The following AGBL4 variants were observed in gnomAD, a reference collection of about 807,000 sequenced individuals.
AGBL4 encodes AGBL carboxypeptidase 4.
AGBL4 carries 58 observed loss-of-function variants against 66.4 expected under a neutral mutation model. The ratio of observed to expected loss-of-function variants is 0.87; its 90% CI spans 0.71 to 1.09. The LOEUF (loss-of-function observed/expected upper bound fraction) is 1.09. Among genes scored for constraint, AGBL4 ranks in the 50% least tolerant of loss-of-function variants. The pLI, the probability that AGBL4 is intolerant of heterozygous loss-of-function variation, is 0.00. For synonymous variants in AGBL4, 234 were observed against 222.9 expected (o/e 1.05, Z -0.44); for missense variants, 579 against 631.0 (o/e 0.92, Z 0.88).
intron 6 of AGBL4, among the ~76,000 whole-genome samples, chr1:48,813,817 C>T (rs1271206774): frequency 6.7e-6 from 1 of 149,634 alleles, no homozygotes; most frequent in African/African-American, 2.5e-5. Flanking sequence ...TCTCTTCTGG[C>T]TCTGATGGAG....
intron 1 of AGBL4, among the ~76,000 whole-genome samples, chr1:49,988,351 G>C (rs936386684): frequency 6.6e-6 from 1 of 152,038 alleles, no homozygotes; most frequent in Non-Finnish European, 1.5e-5. Context: ...GTTTGTCAGG[G>C]AAGAAAAAGG....
intron 6 of AGBL4, among the ~76,000 whole-genome samples, chr1:48,791,363 T>C (rs1489895358): frequency 6.6e-6 from 1 of 152,194 alleles, no homozygotes; most frequent in Admixed American, 6.6e-5. Context: ...CTTCTCTAAA[T>C]CACCTTCCCC....
At chr1:49,345,850 G>C (rs1645624576) in intron 3 of AGBL4, among the ~76,000 whole-genome samples, 1 of 152,050 alleles carries the variant, frequency 6.6e-6, no homozygotes, top group Non-Finnish European at 1.5e-5. Flanking sequence ...TTTGTAACAG[G>C]ACAAAATTGG....
chr1:49,970,037 G>C (rs1657920156), intron 1 of AGBL4, among the ~76,000 whole-genome samples: 1 of 152,094 alleles, frequency 6.6e-6, no homozygotes, highest in South Asian at 2.1e-4. Context: ...GAGAAAATTG[G>C]ATATCCACAT....
chr1:48,643,832 G>C (rs554013725), intron 8 of AGBL4, among the ~76,000 whole-genome samples: 73 of 152,272 alleles, frequency 4.8e-4, no homozygotes, highest in African/African-American at 1.7e-3. Context: ...TTGGGATCTG[G>C]AATCCTGAAG....
chr1:49,913,898 C>A (rs946588556), intron 1 of AGBL4, among the ~76,000 whole-genome samples: 1 of 152,196 alleles, frequency 6.6e-6, no homozygotes, highest in Non-Finnish European at 1.5e-5. Flanking sequence ...GAGGCCCTGG[C>A]AGCAAGCCCA....
chr1:49,471,290 G>T (rs986997112), intron 3 of AGBL4, among the ~76,000 whole-genome samples: 1 of 151,918 alleles, frequency 6.6e-6, no homozygotes, highest in Admixed American at 6.6e-5. Flanking sequence ...TTAAACACTA[G>T]ATTTTTGTCC....
chr1:49,275,062 T>C (rs151729), intron 3 of AGBL4, among the ~76,000 whole-genome samples: 146,527 of 152,278 alleles, frequency 0.96, 70,540 homozygotes, highest in East Asian at 1. Flanking sequence ...TATTTACATT[T>C]GTTCCATAAG....
chr1:48,816,118 G>GACAC (rs1020739771), intron 6 of AGBL4, among the ~76,000 whole-genome samples: 6 of 151,742 alleles, frequency 4.0e-5, no homozygotes, highest in African/African-American at 1.5e-4. Context: ...GAGACAGACA[G>GACAC]ACACAGACAG....
At chr1:48,977,713 T>C (rs984406838) in intron 5 of AGBL4, among the ~76,000 whole-genome samples, 1 of 152,148 alleles carries the variant, frequency 6.6e-6, no homozygotes, top group African/African-American at 2.4e-5. Flanking sequence ...CAAAGAATCA[T>C]GTTGCCGTAT....
At chr1:49,966,860 C>T (rs896987421) in intron 1 of AGBL4, among the ~76,000 whole-genome samples, 3 of 152,056 alleles carry the variant, frequency 2.0e-5, no homozygotes, top group Non-Finnish European at 4.4e-5. Context: ...AACAACTTTA[C>T]GATTCTTGAT....
chr1:49,241,380 G>A (rs1488539320), intron 4 of AGBL4, among the ~76,000 whole-genome samples: 1 of 151,958 alleles, frequency 6.6e-6, no homozygotes, highest in African/African-American at 2.4e-5. Flanking sequence ...AAGATGAAAT[G>A]TTCTCTCTCA....
chr1:48,719,855 C>T (rs1168776383), intron 6 of AGBL4, among the ~76,000 whole-genome samples: 1 of 152,116 alleles, frequency 6.6e-6, no homozygotes, highest in East Asian at 1.9e-4. Flanking sequence ...AGCTGGTAAG[C>T]GGTGAAGCCC....
At position 48,534,131 on chromosome 1, in the gene AGBL4, G is replaced by T. The variant is rs1643932084; in HGVS notation, c.*42C>A. ...TTAATTTCATTCCCCAGCAGAAAATGCATGCTCCTGTCCCCATAAGACCTC... is the reference window on the plus strand; with the variant it reads ...TTAATTTCATTCCCCAGCAGAAAATTCATGCTCCTGTCCCCATAAGACCTC... On this transcript the variant is annotated 3_prime_UTR_variant, in exon 14 of 14. Coordinates refer to ENST00000371839, the MANE Select transcript of AGBL4 (RefSeq NM_032785.4). The T allele has an allele frequency of 3.2e-6, 5 of 1,551,076 alleles. No individual in the cohort carries two copies. The highest frequency in any genetic ancestry group is 2.4e-5 in the East Asian group (1 of 40,918).
rs145404670 is a variant in AGBL4, at chr1:48,775,765, C to T, written c.634+91426G>A. Reference sequence around the variant, plus strand: ...CCTATCACCAACTGAACCTCAGTACCCTCATCTACGAAATGGAGATGAGAC... The same window carrying T: ...CCTATCACCAACTGAACCTCAGTACTCTCATCTACGAAATGGAGATGAGAC... On this transcript the variant is annotated intron_variant, in intron 6 of 13. Transcript: ENST00000371839. Among the ~76,000 whole-genome samples, 433 of 152,310 alleles carry T rather than the reference C, an allele frequency of 2.8e-3. 1 individual carries two copies. Among genetic ancestry groups the T allele is most frequent in the African/African-American group, 9.2e-3 (382 of 41,562 alleles).
intron 2 of AGBL4, among the ~76,000 whole-genome samples, chr1:49,754,053 T>C (rs1651687216): frequency 6.6e-6 from 1 of 152,078 alleles, no homozygotes; most frequent in South Asian, 2.1e-4. Flanking sequence ...ATTACCCACA[T>C]TCTGAAGCCT....
intron 4 of AGBL4, among the ~76,000 whole-genome samples, chr1:49,076,981 C>T (rs961199113): frequency 2.0e-5 from 3 of 152,248 alleles, no homozygotes; most frequent in Non-Finnish European, 2.9e-5. Context: ...AATGTACCCA[C>T]GTTATGCTTA....
At chr1:49,700,628 A>C (rs1021342656) in intron 2 of AGBL4, among the ~76,000 whole-genome samples, 1 of 152,094 alleles carries the variant, frequency 6.6e-6, no homozygotes, top group African/African-American at 2.4e-5. Flanking sequence ...AGCAAGTCCC[A>C]ACTAATTTCA....
rs546901322 is a variant in AGBL4, at chr1:49,342,860, A to C, written c.283-96996T>G. On this transcript the variant is annotated intron_variant, in intron 3 of 13. Coordinates refer to ENST00000371839, the MANE Select transcript of AGBL4 (RefSeq NM_032785.4). Reference sequence around the variant, plus strand: ...AAAACTGCTTACCACCTCTTTGAAAATATCTTGTACACCCGTGGTTAAGTC... The same window carrying C: ...AAAACTGCTTACCACCTCTTTGAAACTATCTTGTACACCCGTGGTTAAGTC... Among the ~76,000 whole-genome samples, 50 of 152,296 alleles carry C rather than the reference A, an allele frequency of 3.3e-4. No homozygotes were observed. In the South Asian group the frequency reaches 0.01, roughly 31 times the overall value.
Sources: gnomAD v4.1 joint callset for allele counts (sites outside exome capture counted in the v4.1 genomes callset) on GRCh38, gnomAD v4.1.1 for gene constraint, MANE v1.5 for transcripts, NCBI Gene and HGNC (gene_info 2026-07-23, HGNC 2026-07-21) for gene names.